OPLAH: variants seen among roughly 807,000 people sequenced by gnomAD.
The protein encoded by OPLAH is 5-oxoprolinase, ATP-hydrolysing.
OPLAH carries 103 observed loss-of-function variants against 122.8 expected under a neutral mutation model. The observed-to-expected ratio is 0.84, with a 90% CI of 0.71 to 0.99. OPLAH has a LOEUF of 0.99. Among genes scored for constraint, OPLAH ranks in the 50% least tolerant of loss-of-function variants. The pLI, the probability that OPLAH is intolerant of heterozygous loss-of-function variation, is 0.00. For synonymous variants in OPLAH, 875 were observed against 796.0 expected (o/e 1.10, Z -1.67); for missense variants, 1,902 against 1,836.5 (o/e 1.04, Z -0.65).
At chr8:144,052,365 G>A (rs1360258252) in intron 23 of OPLAH, 39 bp from the exon 24 acceptor site, 6 of 1,510,712 alleles carry the variant, frequency 4.0e-6, no homozygotes, top group Non-Finnish European at 5.3e-6. Context: ...GGCTGGGGCA[G>A]GGCGTCCCCA....
Position 144,053,096 on chromosome 8 carries a change from G to T in OPLAH, c.2905C>A (p.Arg969Ser). 1 of 1,606,320 alleles carries T rather than the reference G, an allele frequency of 6.2e-7. No individual in the cohort carries two copies. Among genetic ancestry groups the T allele is most frequent in the Non-Finnish European group, 8.5e-7 (1 of 1,177,056 alleles). ...NAELAVRDMLRAFGTSRQARG... is the reference protein window; with the variant it reads ...NAELAVRDMLSAFGTSRQARG... ...GCCTGCCGGGAGGTTCCAAAGGCACGCAACATGTCTCGCACGGCCAGCTCA... is the reference window on the plus strand; with the variant it reads ...GCCTGCCGGGAGGTTCCAAAGGCACTCAACATGTCTCGCACGGCCAGCTCA... The change falls in exon 21 of 27, where the codon CGT becomes AGT. Residue 969 changes from arginine (R) to serine (S), a missense_variant. Arg to Ser is a moderately radical substitution (Grantham distance 110, BLOSUM62 -1). Around this residue, in one of 3 missense-constraint regions of OPLAH, gnomAD observed 1,726 missense variants for 1,642.1 expected, o/e 1.05. Coordinates refer to ENST00000618853, the MANE Select transcript of OPLAH (RefSeq NM_017570.5).
At chr8:144,052,660 A>T in intron 22 of OPLAH, 62 bp from the exon 23 acceptor site, 1 of 1,518,264 alleles carries the variant, frequency 6.6e-7, no homozygotes, top group South Asian at 1.2e-5. Flanking sequence ...ACAGCACCCC[A>T]CCCCCCGCCC....
Position 144,052,271 on chromosome 8 carries a change from A to G in OPLAH, c.3359T>C (p.Val1120Ala). Residue 1120 changes from valine (V) to alanine (A), a missense_variant, in exon 24 of 27, where the codon GTG becomes GCG. By Grantham distance (64) the Val-to-Ala change is moderately conservative. Coordinates refer to ENST00000618853, the MANE Select transcript of OPLAH (RefSeq NM_017570.5). ...GGGACCCGCGCCCGCGCCGCCCGCC[A>G]CCGTCTCGTAGTAGCCCATGTGGGC... ...GNAHMGYYET[V>A]AGGAGAGPSW... 6.5e-7 allele frequency: 1 copy of G among 1,536,486 alleles called. No homozygotes were observed. The highest frequency in any genetic ancestry group is 8.7e-7 in the Non-Finnish European group (1 of 1,146,206).
In OPLAH at chr8:144,051,482, C is replaced by CGGG. The variant is rs782568024; in HGVS notation, c.3721-13_3721-11dup. 64 of 280,240 alleles carry CGGG rather than the reference C, an allele frequency of 2.3e-4. No homozygotes were observed. Among genetic ancestry groups the CGGG allele is most frequent in the African/African-American group, 1.2e-3 (13 of 10,556 alleles). 17.4% of individuals were successfully genotyped at this position (280,240 alleles called of 1,614,324 possible). ...GGAGACAGAACACATCCTGTTGGCG[C>CGGG]GGGGGGGGGCGGGGAGGCGGGCTCA... On this transcript the variant is annotated splice_polypyrimidine_tract_variant and intron_variant, in intron 26 of 26. Transcript: ENST00000618853.
Position 144,053,021 on chromosome 8 carries a change from A to T in OPLAH, c.2980T>A (p.Ser994Thr). The T allele has an allele frequency of 6.2e-7, 1 of 1,603,404 alleles. No homozygotes were observed. Among genetic ancestry groups the T allele is most frequent in the Non-Finnish European group, 8.5e-7 (1 of 1,176,076 alleles). The change falls in exon 21 of 27, where the codon TCC (serine) becomes ACC (threonine). Residue 994 changes from serine (S) to threonine (T), a missense_variant. By Grantham distance (58) the Ser-to-Thr change is moderately conservative. Transcript: ENST00000618853. ...ATCTGCACACGGAGGCGGATGGGGG[A>T]ACCGTCGTCCATGTGGTCTTCCGAG... ...VSSEDHMDDG[S>T]PIRLRVQISL...
At chr8:144,053,755 C>G (rs1835444988) in intron 19 of OPLAH, among the ~76,000 whole-genome samples, 1 of 152,006 alleles carries the variant, frequency 6.6e-6, no homozygotes, top group Non-Finnish European at 1.5e-5. Flanking sequence ...CTGGCCACGC[C>G]ACTTCCCCTG....
rs1554759602 is a variant in OPLAH, at chr8:144,057,503, C to T, written c.1367G>A (p.Gly456Glu). The T allele has an allele frequency of 1.3e-6, 2 of 1,599,266 alleles. No individual in the cohort carries two copies. The highest frequency in any genetic ancestry group is 1.7e-5 in the Admixed American group (1 of 57,486). Reference protein sequence around the residue: ...SPLSLEEVAMGFVRVANEAMC... With the variant: ...SPLSLEEVAMEFVRVANEAMC... The stretch of plus-strand genomic sequence containing the variant: ...GGCCTCGTTGGCCACGCGCACGAAC[C>T]CCATGGCCACCTCCTCCAGGCTCAG... The change falls in exon 10 of 27, where the codon GGG becomes GAG. Residue 456 changes from glycine (G) to glutamate (E), a missense_variant. Coordinates refer to ENST00000618853, the MANE Select transcript of OPLAH (RefSeq NM_017570.5).
chr8:144,054,064 G>A (rs963595802), intron 19 of OPLAH, among the ~76,000 whole-genome samples: 2 of 143,386 alleles, frequency 1.4e-5, no homozygotes, highest in South Asian at 4.4e-4. Flanking sequence ...CCAGCCTCCA[G>A]GCCACTCTCA....
At position 144,051,789 on chromosome 8, in the gene OPLAH, G is replaced by A; in HGVS notation, c.3660C>T (p.Ile1220=). Residue 1220 remains isoleucine, a synonymous_variant, in exon 26 of 27, where the codon ATC becomes ATT. Coordinates refer to ENST00000618853, the MANE Select transcript of OPLAH (RefSeq NM_017570.5). ...EPGARGLNLL[I]RKNGRTVNLG... The stretch of plus-strand genomic sequence containing the variant: ...GATTCACCGTCCGGCCGTTTTTGCG[G>A]ATCAGCAGGTTTAGGCCGCGGGCGC... 1 of 1,604,142 alleles carries A rather than the reference G, an allele frequency of 6.2e-7. No individual in the cohort carries two copies. The highest frequency in any genetic ancestry group is 1.1e-5 in the South Asian group (1 of 89,970).
chr8:144,051,383 C>T lies in OPLAH; in HGVS notation c.3810G>A (p.Leu1270=). Residue 1270 remains leucine, a synonymous_variant, in exon 27 of 27, where the codon CTG becomes CTA. Transcript: ENST00000618853. ...APPPGSPPQA[L]AFPEHGSVYE... ...AGACGCTGCCGTGCTCGGGAAAGGC[C>T]AGTGCTTGCGGGGGCGACCCCGGCG... 1 of 1,605,950 alleles carries T rather than the reference C, an allele frequency of 6.2e-7. No individual in the cohort carries two copies. The highest frequency in any genetic ancestry group is 8.5e-7 in the Non-Finnish European group (1 of 1,177,364).
Position 144,059,707 on chromosome 8 carries a change from G to T in OPLAH, c.255C>A (p.Thr85=). 2 of 1,611,880 alleles carry T rather than the reference G, an allele frequency of 1.2e-6. No homozygotes were observed. Among genetic ancestry groups the T allele is most frequent in the Non-Finnish European group, 1.7e-6 (2 of 1,179,802 alleles). The change falls in exon 3 of 27, where the codon ACC becomes ACA. Residue 85 remains threonine, a synonymous_variant. Coordinates refer to ENST00000618853, the MANE Select transcript of OPLAH (RefSeq NM_017570.5). ...ASIRMGTTVA[T]NALLERKGER... The stretch of plus-strand genomic sequence containing the variant: ...CCCCCTTCCGCTCCAGCAGTGCGTT[G>T]GTGGCCACTGTGGTGCCCATGCGGA...
intron 4 of OPLAH, 22 bp from the exon 5 acceptor site, chr8:144,058,918 C>T: frequency 1.3e-6 from 2 of 1,549,860 alleles, no homozygotes; most frequent in South Asian, 1.2e-5. Flanking sequence ...GCCCAGGAGG[C>T]CCCGTTAAAG....
rs781901558 is a variant in OPLAH at position 144,057,470 on chromosome 8, C to T, written c.1400G>A (p.Arg467Gln). The change falls in exon 10 of 27, where the codon CGG becomes CAG. Residue 467 changes from arginine to glutamine, a missense_variant. Physicochemically the swap from Arg to Gln is conservative, Grantham distance 43. This residue lies in a region of OPLAH where 1,726 missense variants were observed against 1,642.1 expected (regional missense o/e 1.05). Coordinates refer to ENST00000618853, the MANE Select transcript of OPLAH (RefSeq NM_017570.5). ...FVRVANEAMC[R>Q]PIRALTQARG... ...TACCTGCGTGAGTGCACGGATGGGC[C>T]GGCACATGGCCTCGTTGGCCACGCG... The T allele has an allele frequency of 3.6e-5, 57 of 1,590,180 alleles. No homozygotes were observed. The highest frequency in any genetic ancestry group is 4.5e-5 in the Non-Finnish European group (53 of 1,168,808).
rs1212221272 is a variant in OPLAH at position 144,052,311 on chromosome 8, C to G, written c.3319G>C (p.Val1107Leu). The G allele has an allele frequency of 2.0e-6, 3 of 1,527,692 alleles. No individual in the cohort carries two copies. The highest frequency in any genetic ancestry group is 1.2e-5 in the South Asian group (1 of 83,230). The allele number at this position is 1,527,692 out of a possible 1,614,324, so 94.6% of individuals were successfully genotyped here. The part of the protein sequence containing the change: ...CAASQGCMNN[V>L]TLGNAHMGYY... ...CCCATGTGGGCGTTGCCCAGGGTCA[C>G]GTTGTTCATGCAGCCCTGGTGAGGG... Residue 1107 changes from valine (V) to leucine (L), a missense_variant, in exon 24 of 27, where the codon GTG becomes CTG. Val to Leu is a conservative substitution (Grantham distance 32). Transcript: ENST00000618853.
chr8:144,056,369 A>T lies in OPLAH; in HGVS notation c.1983+16T>A. 6.3e-7 allele frequency: 1 copy of T among 1,598,460 alleles called. No individual in the cohort carries two copies. On this transcript the variant is annotated intron_variant, in intron 14 of 26. Coordinates refer to ENST00000618853, the MANE Select transcript of OPLAH (RefSeq NM_017570.5). ...CCCATGGGTGCTGTCAGGCTGGCACAGGCAGGACCACCAACCTTGTCCACC... is the reference window on the plus strand; with the variant it reads ...CCCATGGGTGCTGTCAGGCTGGCACTGGCAGGACCACCAACCTTGTCCACC...
chr8:144,058,820 T>C lies in OPLAH; in HGVS notation c.540A>G (p.Leu180=), dbSNP rs1554760168. Residue 180 remains leucine, a synonymous_variant, in exon 5 of 27, where the codon CTA becomes CTG. Coordinates refer to ENST00000618853, the MANE Select transcript of OPLAH (RefSeq NM_017570.5). ...GALRGKLEGL[L]SRGIRSLAVV... ...CAGCCAGGCTGCGGATGCCTCGAGATAGCAGCCCCTCCAGCTTCCCACGCA... is the reference window on the plus strand; with the variant it reads ...CAGCCAGGCTGCGGATGCCTCGAGACAGCAGCCCCTCCAGCTTCCCACGCA... The C allele has an allele frequency of 3.1e-6, 5 of 1,597,576 alleles. No individual in the cohort carries two copies. Among genetic ancestry groups the C allele is most frequent in the Non-Finnish European group, 4.3e-6 (5 of 1,172,854 alleles).
chr8:144,050,628 G>C (rs1835350952), downstream of OPLAH: 3 of 985,526 alleles, frequency 3.0e-6, no homozygotes, highest in African/African-American at 1.7e-5. Context: ...CTGGGCCCTG[G>C]GTATCGCGCT....
chr8:144,062,116 T>C (rs782285027), upstream of OPLAH, among the ~76,000 whole-genome samples: 26 of 152,314 alleles, frequency 1.7e-4, no homozygotes, highest in South Asian at 1.7e-3. Context: ...ATAAACGTGC[T>C]TTCACTTTAG....
Position 144,055,035 on chromosome 8 carries a change from C to G in OPLAH, c.2403G>C (p.Gln801His). Residue 801 changes from glutamine to histidine, a missense_variant, in exon 17 of 27, where the codon CAG becomes CAC. Transcript: ENST00000618853. This position sits in a 1 kb window ranked among gnomAD's most constrained non-coding sequence, Gnocchi z 6.5. ...GAGGCGGGGGAAGGGCCACCTGGAA[C>G]TGCACCGTCTCCTGCATGGCACCCA... is the stretch of plus-strand genomic sequence containing the variant. ...VHLGAMQETV[Q>H]FQIQHLGADL... is the part of the protein sequence containing the mutation. The G allele has an allele frequency of 6.7e-7, 1 of 1,498,160 alleles. No individual in the cohort carries two copies. Among genetic ancestry groups the G allele is most frequent in the African/African-American group, 1.4e-5 (1 of 72,150 alleles). 92.8% of individuals were successfully genotyped at this position (1,498,160 alleles called of 1,614,324 possible). A position where few individuals can be genotyped will look rare whatever the true frequency, so the allele number is the denominator to read the frequency against.
Sources: gnomAD v4.1 joint callset for allele counts (sites outside exome capture counted in the v4.1 genomes callset) on GRCh38, gnomAD v4.1.1 for gene constraint, gnomAD v4.1.1 regional missense constraint, Gnocchi (gnomAD v3.1) non-coding constraint, MANE v1.5 for transcripts, NCBI Gene and HGNC (gene_info 2026-07-23, HGNC 2026-07-21) for gene names.